The following MXD1 variants were observed in gnomAD, a reference collection of about 807,000 sequenced individuals.
The protein encoded by MXD1 is MAX dimerization protein 1.
Under a neutral mutation model 25.7 loss-of-function variants are expected in MXD1, and 9 were observed. That is an observed-to-expected ratio of 0.35 (90% CI 0.21 to 0.61). The LOEUF (loss-of-function observed/expected upper bound fraction) is 0.61, where lower values mean the gene tolerates loss of function less well. Ranked by LOEUF, MXD1 falls within the 20% of genes least tolerant of loss-of-function variation. MXD1 has a pLI of 0.75. For synonymous variants in MXD1, 99 were observed against 113.9 expected (o/e 0.87, Z 0.83); for missense variants, 227 against 292.4 (o/e 0.78, Z 1.63).
Position 69,921,888 on chromosome 2 carries a change from C to T in MXD1, c.203+123C>T, listed in dbSNP as rs535480394. ...GTAGCACCTGATTTCAGAATTCACCCAGCGCCCTCTAAGCAGCATCGCTCA... is the reference window on the plus strand; with the variant it reads ...GTAGCACCTGATTTCAGAATTCACCTAGCGCCCTCTAAGCAGCATCGCTCA... On this transcript the variant is annotated intron_variant, in intron 3 of 5. Coordinates refer to ENST00000264444, the MANE Select transcript of MXD1 (RefSeq NM_002357.4). The T allele has an allele frequency of 1.8e-5, 16 of 896,822 alleles. No individual in the cohort carries two copies. In the African/African-American group the frequency reaches 2.7e-4, roughly 15 times the overall value. 55.6% of individuals were successfully genotyped at this position (896,822 alleles called of 1,614,324 possible).
rs1366967571 is a variant in MXD1 at position 69,942,912 on chromosome 2, TAAC to T, written c.*4631_*4633del. 2 of 152,260 alleles carry T rather than the reference TAAC, an allele frequency of 1.3e-5. No individual in the cohort carries two copies. Among genetic ancestry groups the T allele is most frequent in the African/African-American group, 4.8e-5 (2 of 41,466 alleles). The allele number at this position is 152,260 out of a possible 1,614,324, so 9.4% of individuals were successfully genotyped here. ...TATGTAAACTGTATTGTTCAACTGT[TAAC>T]AAATAATAAATTATTTCATTATTAA... On this transcript the variant is annotated 3_prime_UTR_variant, in exon 6 of 6. Coordinates refer to ENST00000264444, the MANE Select transcript of MXD1 (RefSeq NM_002357.4).
At chr2:69,921,906 A>T (rs773254211) in intron 3 of MXD1, 141 bp downstream of exon 3, 77 of 725,186 alleles carry the variant, frequency 1.1e-4, no homozygotes, top group Non-Finnish European at 1.3e-4. Flanking sequence ...TCTAAGCAGC[A>T]TCGCTCATAA....
intron 5 of MXD1, 138 bp from the exon 6 acceptor site, chr2:69,937,959 C>T (rs1380204216): frequency 8.1e-6 from 6 of 744,932 alleles, no homozygotes; most frequent in African/African-American, 3.6e-5. Context: ...GTTGGCCCAG[C>T]TGGTCTCAAA....
intron 4 of MXD1, 26 bp from the exon 5 acceptor site, chr2:69,937,209 C>A: frequency 6.2e-7 from 1 of 1,610,678 alleles, no homozygotes; most frequent in South Asian, 1.1e-5. Context: ...CCTGTGGGGC[C>A]CAACAACTAC....
intron 5 of MXD1, 150 bp from the exon 6 acceptor site, chr2:69,937,947 G>C (rs907330613): frequency 5.8e-6 from 4 of 685,456 alleles, no homozygotes; most frequent in Non-Finnish European, 9.7e-6. Flanking sequence ...GGGTTTCACT[G>C]TGTTGGCCCA....
chr2:69,919,733 G>GC (rs1677027091), intron 2 of MXD1, among the ~76,000 whole-genome samples: 1 of 152,224 alleles, frequency 6.6e-6, no homozygotes, highest in Non-Finnish European at 1.5e-5. Flanking sequence ...TGCAGTATAT[G>GC]CCAGATTCTT....
chr2:69,936,646 G>T (rs1677451003), intron 4 of MXD1, among the ~76,000 whole-genome samples: 1 of 152,110 alleles, frequency 6.6e-6, no homozygotes, highest in Non-Finnish European at 1.5e-5. Context: ...GAAGCTGGGG[G>T]CAGATTTATA....
chr2:69,919,613 G>T (rs990993071), intron 2 of MXD1, among the ~76,000 whole-genome samples: 4 of 152,016 alleles, frequency 2.6e-5, no homozygotes, highest in African/African-American at 9.7e-5. Flanking sequence ...CCAAAGTGCT[G>T]GGATCCCACT....
Position 69,921,406 on chromosome 2 carries a change from G to A in MXD1, c.174-330G>A, listed in dbSNP as rs895553855. 6.6e-5 allele frequency among the ~76,000 whole-genome samples: 10 copies of A among 152,280 alleles called. No homozygotes were observed. The South Asian group carries it at 1.0e-3, about 16-fold the overall frequency. On this transcript the variant is annotated intron_variant, in intron 2 of 5. Coordinates refer to ENST00000264444, the MANE Select transcript of MXD1 (RefSeq NM_002357.4). ...CCCTTAGCCTACAGAAAGCTTTGTCGTATTATATAACGCAAATTCACATTG... is the reference window on the plus strand; with the variant it reads ...CCCTTAGCCTACAGAAAGCTTTGTCATATTATATAACGCAAATTCACATTG...
In MXD1 at chr2:69,915,299, G is replaced by T. The variant is rs1300854714; in HGVS notation, c.-32G>T. On this transcript the variant is annotated 5_prime_UTR_variant, in exon 1 of 6. Coordinates refer to ENST00000264444, the MANE Select transcript of MXD1 (RefSeq NM_002357.4). The surrounding 1 kb of genome is among the most constrained non-coding windows in gnomAD (Gnocchi z 5.8). ...GGCAGCGAGCCCGTGGGCAGTGGGG[G>T]TTGGTCCCGTGGCTCCGGCCCCCGG... 2.3e-6 allele frequency: 3 copies of T among 1,307,824 alleles called. No individual in the cohort carries two copies. Among genetic ancestry groups the T allele is most frequent in the African/African-American group, 1.5e-5 (1 of 64,800 alleles). The allele number at this position is 1,307,824 out of a possible 1,614,324, so 81.0% of individuals were successfully genotyped here. A position where few individuals can be genotyped will look rare whatever the true frequency, so the allele number is the denominator to read the frequency against.
chr2:69,927,121 T>A (rs1311623665), intron 3 of MXD1, among the ~76,000 whole-genome samples: 1 of 152,246 alleles, frequency 6.6e-6, no homozygotes, highest in East Asian at 1.9e-4. Flanking sequence ...TGGTCTGGCA[T>A]GAGAAATCAA....
chr2:69,915,742 C>T lies in MXD1; in HGVS notation c.73+339C>T, dbSNP rs1054933114. 6.6e-6 allele frequency among the ~76,000 whole-genome samples: 1 copy of T among 152,262 alleles called. No homozygotes were observed. Among genetic ancestry groups the T allele is most frequent in the Non-Finnish European group, 1.5e-5 (1 of 68,044 alleles). On this transcript the variant is annotated intron_variant, in intron 1 of 5. Transcript: ENST00000264444. This position sits in a 1 kb window ranked among gnomAD's most constrained non-coding sequence, Gnocchi z 5.8. ...CGGCCCCCAGGTGGGCCCGGCGCCC[C>T]AGTCTCCTGGGCAGAGGAGCAGCGC...
At chr2:69,918,399 AAAAATG>A (rs546667971) in intron 2 of MXD1, among the ~76,000 whole-genome samples, 321 of 152,368 alleles carry the variant, frequency 2.1e-3, no homozygotes, top group Non-Finnish European at 2.6e-3. Context: ...TTAAAACAAC[AAAAATG>A]AAAATGAAAT....
At chr2:69,935,322 C>G (rs1409654338) in intron 3 of MXD1, 29 bp from the exon 4 acceptor site, 1 of 1,542,808 alleles carries the variant, frequency 6.5e-7, no homozygotes, top group Non-Finnish European at 9.0e-7. Context: ...GTGAAACTCT[C>G]AAATGCTACT....
chr2:69,933,218 AAAAAAAC>A (rs1558571827), intron 3 of MXD1, among the ~76,000 whole-genome samples: 1 of 151,216 alleles, frequency 6.6e-6, no homozygotes, highest in Admixed American at 6.6e-5. Flanking sequence ...AAAAAAAAAA[AAAAAAAC>A]AAAAAAAGAA....
chr2:69,925,407 T>C (rs1273600124), intron 3 of MXD1, among the ~76,000 whole-genome samples: 1 of 152,162 alleles, frequency 6.6e-6, no homozygotes, highest in Non-Finnish European at 1.5e-5. Flanking sequence ...TTCCAATTGT[T>C]TTGGAAAAGA....
chr2:69,918,564 T>C (rs1677002727), intron 2 of MXD1, among the ~76,000 whole-genome samples: 1 of 152,218 alleles, frequency 6.6e-6, no homozygotes, highest in Non-Finnish European at 1.5e-5. Flanking sequence ...GTTCAATGAG[T>C]AAAGCAAGCT....
chr2:69,922,494 A>G (rs1677085734), intron 3 of MXD1, among the ~76,000 whole-genome samples: 1 of 152,256 alleles, frequency 6.6e-6, no homozygotes, highest in Non-Finnish European at 1.5e-5. Context: ...TATTAAATAC[A>G]TTATACACAT....
Position 69,942,070 on chromosome 2 carries a change from T to TC in MXD1, c.*3791dup, listed in dbSNP as rs1321022159. On this transcript the variant is annotated 3_prime_UTR_variant, in exon 6 of 6. Transcript: ENST00000264444. ...TTCTTTGTTTCCCCAAGTTTGTCTG[T>TC]CCCCCTTTGCCTTCCCTGAGTGTTG... is the stretch of plus-strand genomic sequence containing the variant. 3.3e-5 allele frequency: 5 copies of TC among 152,210 alleles called. No homozygotes were observed. Among genetic ancestry groups the TC allele is most frequent in the African/African-American group, 7.2e-5 (3 of 41,426 alleles). 9.4% of individuals were successfully genotyped at this position (152,210 alleles called of 1,614,324 possible). A position where few individuals can be genotyped will look rare whatever the true frequency, so the allele number is the denominator to read the frequency against.
Sources: gnomAD v4.1 joint callset for allele counts (sites outside exome capture counted in the v4.1 genomes callset) on GRCh38, gnomAD v4.1.1 for gene constraint, Gnocchi (gnomAD v3.1) non-coding constraint, MANE v1.5 for transcripts, NCBI Gene and HGNC (gene_info 2026-07-23, HGNC 2026-07-21) for gene names.